Variants in FRY observed in about 807,000 individuals in gnomAD.
FRY encodes the protein FRY microtubule binding protein.
FRY carries 128 observed loss-of-function variants against 348.4 expected under a neutral mutation model. The observed-to-expected ratio is 0.37, with a 90% CI of 0.32 to 0.43. The LOEUF (loss-of-function observed/expected upper bound fraction) is 0.43. Among genes scored for constraint, FRY ranks in the 20% least tolerant of loss-of-function variants. FRY has a pLI of 1.00. For missense variants in FRY, 2,736 were observed against 3,695.2 expected (o/e 0.74, Z 6.73); for synonymous variants, 1,370 against 1,374.7 (o/e 1.00, Z 0.08).
intron 53 of FRY, 108 bp from the exon 54 acceptor site, chr13:32,265,341 TC>T: frequency 9.3e-7 from 1 of 1,072,096 alleles, no homozygotes. Context: ...TGTCCCCATT[TC>T]TATCACCATC....
intron 2 of FRY, among the ~76,000 whole-genome samples, chr13:32,087,885 G>T (rs9567133): frequency 1.3e-5 from 2 of 152,054 alleles, no homozygotes. Flanking sequence ...TCTTTATATG[G>T]CAGATCTTCA....
At chr13:32,264,473 T>C (rs1415078212) in intron 53 of FRY, among the ~76,000 whole-genome samples, 1 of 152,180 alleles carries the variant, frequency 6.6e-6, no homozygotes, top group Non-Finnish European at 1.5e-5. Context: ...TATACACTTC[T>C]ATTTTGCCTT....
chr13:32,212,487 A>G, intron 35 of FRY, 105 bp downstream of exon 35: 1 of 736,914 alleles, frequency 1.4e-6, no homozygotes, highest in Non-Finnish European at 2.4e-6. Flanking sequence ...ACACGTACAT[A>G]AAAATCCTTC....
At chr13:32,276,351 A>T in intron 56 of FRY, 113 bp from the exon 57 acceptor site, 1 of 723,766 alleles carries the variant, frequency 1.4e-6, no homozygotes. Context: ...ATTAAAATGG[A>T]TGACACTTGT....
intron 1 of FRY, among the ~76,000 whole-genome samples, chr13:32,046,230 T>C (rs146190464): frequency 2.5e-4 from 38 of 152,352 alleles, no homozygotes; most frequent in African/African-American, 9.1e-4. Flanking sequence ...TCCCTCTCCA[T>C]TTCAGTCTAT....
chr13:32,040,981 G>GT (rs1872723733), intron 1 of FRY, among the ~76,000 whole-genome samples: 1 of 152,162 alleles, frequency 6.6e-6, no homozygotes, highest in Non-Finnish European at 1.5e-5. Flanking sequence ...TACAGCTTAG[G>GT]TAGAAAGCTC....
chr13:32,151,305 A>T (rs1200138185), intron 14 of FRY, among the ~76,000 whole-genome samples: 2 of 152,256 alleles, frequency 1.3e-5, no homozygotes, highest in Non-Finnish European at 2.9e-5. Context: ...TGATTTAAAA[A>T]AAATATATAC....
chr13:32,272,302 A>G (rs561690195), intron 55 of FRY, among the ~76,000 whole-genome samples: 2 of 152,240 alleles, frequency 1.3e-5, no homozygotes, highest in Non-Finnish European at 2.9e-5. Context: ...GGGAGGAGGT[A>G]ACTGTGAAAA....
At position 32,251,566 on chromosome 13, in the gene FRY, CA is replaced by C. The variant is rs1258242707; in HGVS notation, c.7171-311del. 4.6e-5 allele frequency among the ~76,000 whole-genome samples: 7 copies of C among 151,996 alleles called. No individual in the cohort carries two copies. The East Asian group carries it at 1.2e-3, about 25-fold the overall frequency. On this transcript the variant is annotated intron_variant, in intron 49 of 60. Coordinates refer to ENST00000542859, the MANE Select transcript of FRY (RefSeq NM_023037.3). ...GATAACTTAGATCACCACTGTCCAG[CA>C]GAAACATAATGTGAGCTTCATTTTA... is the stretch of plus-strand genomic sequence containing the variant.
intron 47 of FRY, 112 bp downstream of exon 47, chr13:32,244,294 G>C: frequency 1.0e-6 from 1 of 962,344 alleles, no homozygotes. Flanking sequence ...TTCATTCCTT[G>C]ACATCCATGG....
chr13:32,092,667 T>C (rs1942676149), intron 2 of FRY, among the ~76,000 whole-genome samples: 2 of 152,108 alleles, frequency 1.3e-5, no homozygotes, highest in African/African-American at 2.4e-5. Flanking sequence ...CTTGCGTGGG[T>C]TGGGACAGCA....
intron 50 of FRY, among the ~76,000 whole-genome samples, chr13:32,253,423 A>G (rs1035662771): frequency 1.3e-5 from 2 of 152,238 alleles, no homozygotes; most frequent in African/African-American, 4.8e-5. Flanking sequence ...GACAACTAAG[A>G]CATTATAATG....
At position 32,171,024 on chromosome 13, in the gene FRY, TA is replaced by T; in HGVS notation, c.1906del (p.Met636TrpfsTer39). 1 of 1,607,752 alleles carries T rather than the reference TA, an allele frequency of 6.2e-7. No individual in the cohort carries two copies. The highest frequency in any genetic ancestry group is 8.5e-7 in the Non-Finnish European group (1 of 1,174,214). On this transcript the variant is annotated frameshift_variant, in exon 18 of 61. Transcript: ENST00000542859. LOFTEE classifies it high-confidence loss of function. ...ATTCGTTTCACAGGCTCTCTATTCA[TA>T]TGGATGATGAATTGCGACATATTGC... ...IDLLARLSIH[M>X]DDELRHIAQN...
intron 2 of FRY, among the ~76,000 whole-genome samples, chr13:32,094,921 C>G (rs1876585786): frequency 6.6e-6 from 1 of 152,194 alleles, no homozygotes; most frequent in African/African-American, 2.4e-5. Flanking sequence ...TGAGAAACCT[C>G]CGAACTGTTC....
At chr13:32,093,173 G>A (rs1593603831) in intron 2 of FRY, among the ~76,000 whole-genome samples, 1 of 152,082 alleles carries the variant, frequency 6.6e-6, no homozygotes, top group African/African-American at 2.4e-5. Flanking sequence ...ATTTCCATAT[G>A]TATCTCTAAA....
intron 39 of FRY, among the ~76,000 whole-genome samples, chr13:32,227,912 C>T (rs533256794): frequency 4.6e-5 from 7 of 152,210 alleles, no homozygotes; most frequent in South Asian, 2.1e-4. Flanking sequence ...CCACCACGCT[C>T]GGCTAATTTT....
intron 2 of FRY, among the ~76,000 whole-genome samples, chr13:32,080,718 C>T (rs933933752): frequency 6.6e-6 from 1 of 152,298 alleles, no homozygotes; most frequent in South Asian, 2.1e-4. Context: ...AGACTCCTCC[C>T]CTGGTGGAGG....
intron 25 of FRY, 31 bp from the exon 26 acceptor site, chr13:32,184,945 C>T: frequency 6.3e-7 from 1 of 1,582,882 alleles, no homozygotes; most frequent in Non-Finnish European, 8.7e-7. Flanking sequence ...AAAGACTGAT[C>T]ATCTAAAAGT....
At chr13:32,172,614 A>G (rs865855904) in intron 18 of FRY, among the ~76,000 whole-genome samples, 3 of 152,256 alleles carry the variant, frequency 2.0e-5, no homozygotes, top group Middle Eastern at 3.4e-3. Flanking sequence ...AGATGGAGAA[A>G]GGGGTCTGGC....
Sources: gnomAD v4.1 joint callset for allele counts (sites outside exome capture counted in the v4.1 genomes callset) on GRCh38, gnomAD v4.1.1 for gene constraint, MANE v1.5 for transcripts, NCBI Gene and HGNC (gene_info 2026-07-23, HGNC 2026-07-21) for gene names.